LRP1B: variants seen among roughly 807,000 people sequenced by gnomAD.
LRP1B encodes the protein LDL receptor related protein 1B, also known as low-density lipoprotein receptor-related protein 1B.
In LRP1B, 217 loss-of-function variants were observed where a neutral mutation model predicts 556.6. The observed-to-expected ratio is 0.39, with a 90% confidence interval of 0.35 to 0.44. The LOEUF is 0.44. LRP1B is among the 20% of genes least tolerant of loss of function. LRP1B has a pLI of 1.00. For missense variants in LRP1B, 5,053 were observed against 5,620.8 expected, an observed-to-expected ratio of 0.90 and a Z score of 3.23; for synonymous variants, 2,047 against 1,865.8, an observed-to-expected ratio of 1.10 and a Z score of -2.50.
chr2:141,797,185 A>ATG (rs1695851599), intron 2 of LRP1B, among the ~76,000 whole-genome samples: 2 of 131,416 alleles, frequency 1.5e-5, no homozygotes, highest in South Asian at 4.8e-4. Flanking sequence ...ATATATATAT[A>ATG]TAACTATATA....
At chr2:140,990,543 T>C (rs1341862006) in intron 16 of LRP1B, among the ~76,000 whole-genome samples, 1 of 144,766 alleles carries the variant, frequency 6.9e-6, no homozygotes, top group Admixed American at 6.9e-5. Flanking sequence ...ATGTTAACTA[T>C]GAGATTCTGT....
At chr2:140,254,159 C>G (rs930937052) in intron 86 of LRP1B, among the ~76,000 whole-genome samples, 1 of 152,098 alleles carries the variant, frequency 6.6e-6, no homozygotes, top group African/African-American at 2.4e-5. Context: ...AAGGCGATGT[C>G]TGGCATATTC....
At chr2:140,683,623 T>G (rs1188309499) in intron 41 of LRP1B, 1 of 699,322 alleles carries the variant, frequency 1.4e-6, no homozygotes, top group African/African-American at 1.8e-5. Context: ...GTCCCTTCTC[T>G]CAGCTCCCAG....
chr2:141,950,489 A>G (rs7584390), intron 1 of LRP1B, among the ~76,000 whole-genome samples: 2,386 of 152,272 alleles, frequency 0.016, 56 homozygotes, highest in African/African-American at 0.055. Flanking sequence ...ATGAAGAAAC[A>G]TTTTAAATAC....
chr2:142,110,226 T>A (rs1039920565), intron 1 of LRP1B, among the ~76,000 whole-genome samples: 1 of 152,064 alleles, frequency 6.6e-6, no homozygotes, highest in Admixed American at 6.6e-5. Context: ...GCATAAAAAG[T>A]AAAATAGATG....
At chr2:141,767,596 CTCTT>C (rs1694768856) in intron 2 of LRP1B, among the ~76,000 whole-genome samples, 1 of 152,244 alleles carries the variant, frequency 6.6e-6, no homozygotes, top group South Asian at 2.1e-4. Flanking sequence ...CTATCACTCA[CTCTT>C]TCCCTCAGGT....
chr2:141,443,085 G>T (rs1681046746), intron 3 of LRP1B, among the ~76,000 whole-genome samples: 1 of 152,130 alleles, frequency 6.6e-6, no homozygotes, highest in Non-Finnish European at 1.5e-5. Context: ...ATCCTCTCCA[G>T]CATCTGTTGC....
intron 2 of LRP1B, among the ~76,000 whole-genome samples, chr2:141,482,794 T>C (rs1682971526): frequency 6.6e-6 from 1 of 152,096 alleles, no homozygotes; most frequent in Non-Finnish European, 1.5e-5. Flanking sequence ...CCAAGAAATG[T>C]TTAGGCCAGT....
intron 7 of LRP1B, among the ~76,000 whole-genome samples, chr2:141,131,640 A>G (rs952081229): frequency 2.0e-5 from 3 of 151,152 alleles, no homozygotes; most frequent in Non-Finnish European, 2.9e-5. Context: ...GAATTTAACT[A>G]TCTCTGAGGT....
At position 141,810,145 on chromosome 2, in the gene LRP1B, GAA is replaced by G. The variant is rs1376188584; in HGVS notation, c.205+132_205+133del. On this transcript the variant is annotated intron_variant, in intron 2 of 90. Coordinates refer to ENST00000389484, the MANE Select transcript of LRP1B (RefSeq NM_018557.3). ...AGAAAGAAAGAAAGAAAGAAAGAAA[GAA>G]AGAAAGAAAGAAAGAAAGAAGGAAA... The G allele has an allele frequency of 1.7e-3, 778 of 451,382 alleles. 14 individuals are homozygous for G. The highest frequency in any genetic ancestry group is 5.9e-3 in the East Asian group (147 of 24,810). The allele number at this position is 451,382 out of a possible 1,614,324, so 28.0% of individuals were successfully genotyped here. A position where few individuals can be genotyped will look rare whatever the true frequency, so the allele number is the denominator to read the frequency against.
intron 2 of LRP1B, among the ~76,000 whole-genome samples, chr2:141,581,949 G>C: frequency 6.6e-6 from 1 of 152,144 alleles, no homozygotes; most frequent in East Asian, 1.9e-4. Context: ...GATGGCTCAA[G>C]TTTTAAAAAT....
At chr2:141,139,569 TG>T (rs1701579893) in intron 7 of LRP1B, among the ~76,000 whole-genome samples, 1 of 151,658 alleles carries the variant, frequency 6.6e-6, no homozygotes, top group Non-Finnish European at 1.5e-5. Context: ...AATATATGAA[TG>T]GCAAATAAGG....
At chr2:141,948,611 T>G (rs1371190715) in intron 1 of LRP1B, among the ~76,000 whole-genome samples, 1 of 151,954 alleles carries the variant, frequency 6.6e-6, no homozygotes, top group Non-Finnish European at 1.5e-5. Context: ...AAAAATGTGA[T>G]AAACTCTTGA....
intron 1 of LRP1B, among the ~76,000 whole-genome samples, chr2:141,891,625 A>G (rs1699293310): frequency 6.6e-6 from 1 of 152,134 alleles, no homozygotes; most frequent in Non-Finnish European, 1.5e-5. Context: ...AGATTTCTTA[A>G]TGTTAGAATG....
rs183245391 is a variant in LRP1B at position 141,679,359 on chromosome 2, A to G, written c.205+130920T>C. ...TAAATGTTTCGTTTTAAGTCATTAC[A>G]TTTTGGGAAAATTTGTTATGCCGTA... On this transcript the variant is annotated intron_variant, in intron 2 of 90. Coordinates refer to ENST00000389484, the MANE Select transcript of LRP1B (RefSeq NM_018557.3). Among the ~76,000 whole-genome samples, 6 of 152,320 alleles carry G rather than the reference A, an allele frequency of 3.9e-5. No individual in the cohort carries two copies. The East Asian group carries it at 7.7e-4, about 20-fold the overall frequency.
At chr2:141,450,556 A>T (rs974427935) in intron 3 of LRP1B, among the ~76,000 whole-genome samples, 13 of 151,698 alleles carry the variant, frequency 8.6e-5, no homozygotes, top group Admixed American at 6.6e-5. Flanking sequence ...ATTTTTAAAA[A>T]AATAAAGATG....
At chr2:141,260,221 T>C (rs1387096297) in intron 3 of LRP1B, among the ~76,000 whole-genome samples, 2 of 152,220 alleles carry the variant, frequency 1.3e-5, no homozygotes, top group East Asian at 1.9e-4. Context: ...GATCTCTTTG[T>C]ATCTATAAAA....
intron 41 of LRP1B, among the ~76,000 whole-genome samples, chr2:140,611,293 TC>T (rs1683063615): frequency 6.6e-6 from 1 of 152,188 alleles, no homozygotes. Flanking sequence ...ACTTACACTG[TC>T]TTTAAATTTT....
intron 2 of LRP1B, among the ~76,000 whole-genome samples, chr2:141,748,639 C>G (rs1693996735): frequency 6.6e-6 from 1 of 152,134 alleles, no homozygotes; most frequent in African/African-American, 2.4e-5. Context: ...ATTTGGTTTT[C>G]TGTAGCATCC....
Sources: gnomAD v4.1 joint callset for allele counts (sites outside exome capture counted in the v4.1 genomes callset) on GRCh38, gnomAD v4.1.1 for gene constraint, MANE v1.5 for transcripts, NCBI Gene and HGNC (gene_info 2026-07-23, HGNC 2026-07-21) for gene names.